The following WNT7B variants were observed in gnomAD, a reference collection of about 807,000 sequenced individuals.
The protein encoded by WNT7B is Wnt family member 7B, also known as protein Wnt-7b.
WNT7B carries 19 observed loss-of-function variants against 38.2 expected under a neutral mutation model. The observed-to-expected ratio is 0.50, with a 90% CI of 0.35 to 0.73. WNT7B has a LOEUF of 0.73. WNT7B is among the 30% of genes least tolerant of loss of function. The pLI is 0.01. For synonymous variants in WNT7B, 243 were observed against 209.3 expected (o/e 1.16, Z -1.39); for missense variants, 423 against 507.9 (o/e 0.83, Z 1.61).
rs114898588 is a variant in WNT7B at position 45,965,961 on chromosome 22, A to G, written c.71+10723T>C. Among the ~76,000 whole-genome samples, 1,556 of 152,302 alleles carry G rather than the reference A, an allele frequency of 0.01. 27 individuals carry two copies. The highest frequency in any genetic ancestry group is 0.036 in the African/African-American group (1,482 of 41,576). ...GACAAGTGGCATGGACCCGACAGCC[A>G]GGAGTCCCTGGGCTCAAATCTGGGC... On this transcript the variant is annotated intron_variant, in intron 1 of 3. Transcript: ENST00000339464. The surrounding 1 kb of genome is among the most constrained non-coding windows in gnomAD (Gnocchi z 6.5).
chr22:45,923,805 G>A (rs1162021802), intron 3 of WNT7B, among the ~76,000 whole-genome samples: 1 of 152,168 alleles, frequency 6.6e-6, no homozygotes, highest in African/African-American at 2.4e-5. Flanking sequence ...GCTTAGCGTA[G>A]GGTCTGGCAT....
At chr22:45,926,740 A>G (rs145312615) in intron 3 of WNT7B, 13 of 985,382 alleles carry the variant, frequency 1.3e-5, no homozygotes, top group Middle Eastern at 5.2e-4. Context: ...TCAGGGACAC[A>G]GCACACGTCT....
chr22:45,971,224 G>A (rs1032735264), intron 1 of WNT7B, among the ~76,000 whole-genome samples: 1 of 150,288 alleles, frequency 6.7e-6, no homozygotes, highest in African/African-American at 2.4e-5. Context: ...CCCCGGACGT[G>A]GCCCGCGTGT....
At chr22:45,954,506 G>A (rs768642301) in intron 1 of WNT7B, among the ~76,000 whole-genome samples, 9 of 152,186 alleles carry the variant, frequency 5.9e-5, no homozygotes, top group Non-Finnish European at 8.8e-5. Context: ...AAGGGGATGC[G>A]AGAGGCCCAC....
At position 45,975,860 on chromosome 22, in the gene WNT7B, C is replaced by G. The variant is rs191557482; in HGVS notation, c.71+824G>C. ...CCTCTCCGTCACGCCGTTTCTCCAC[C>G]CCCACTTCGAGCGAAGCCGAGACAG... On this transcript the variant is annotated intron_variant, in intron 1 of 3. Transcript: ENST00000339464. This position sits in a 1 kb window ranked among gnomAD's most constrained non-coding sequence, Gnocchi z 6.6. 2.4e-3 allele frequency: 621 copies of G among 262,694 alleles called. 6 individuals carry two copies. The highest frequency in any genetic ancestry group is 0.013 in the African/African-American group (582 of 44,538). 16.3% of individuals were successfully genotyped at this position (262,694 alleles called of 1,614,324 possible). A position where few individuals can be genotyped will look rare whatever the true frequency, so the allele number is the denominator to read the frequency against.
chr22:45,974,400 G>A (rs1383402416), intron 1 of WNT7B, among the ~76,000 whole-genome samples: 1 of 152,180 alleles, frequency 6.6e-6, no homozygotes, highest in Non-Finnish European at 1.5e-5. Flanking sequence ...TTCTACCGCT[G>A]CGCGTAGCCA....
chr22:45,946,956 C>A lies in WNT7B; in HGVS notation c.298+2964G>T, dbSNP rs532567041. 5.3e-5 allele frequency among the ~76,000 whole-genome samples: 8 copies of A among 152,362 alleles called. No homozygotes were observed. The South Asian group carries it at 1.7e-3, about 32-fold the overall frequency. On this transcript the variant is annotated intron_variant, in intron 2 of 3. Coordinates refer to ENST00000339464, the MANE Select transcript of WNT7B (RefSeq NM_058238.3). ...GGCCAAGCCCCTTCTCAGGGCCAAT[C>A]ATTAATTGGCACTGCTTGAGTGGCT...
intron 2 of WNT7B, among the ~76,000 whole-genome samples, chr22:45,932,652 G>C (rs1005055829): frequency 7.2e-5 from 11 of 152,150 alleles, no homozygotes; most frequent in African/African-American, 2.7e-4. Context: ...ACCTGCCCCT[G>C]GCTGAGTCCA....
chr22:45,929,327 G>T (rs1424105167), intron 3 of WNT7B, among the ~76,000 whole-genome samples: 2 of 152,034 alleles, frequency 1.3e-5, no homozygotes, highest in Admixed American at 6.5e-5. Context: ...GTTCCTTGGA[G>T]GCAAAGCCTG....
At position 45,927,300 on chromosome 22, in the gene WNT7B, C is replaced by T. The variant is rs184666163; in HGVS notation, c.570+3798G>A. The stretch of plus-strand genomic sequence containing the variant: ...GCGGCAGCCCATTAAAGGTCACCCC[C>T]GCCCCCCAGGGAGCTTGGGGAAGGG... On this transcript the variant is annotated intron_variant, in intron 3 of 3. Transcript: ENST00000339464. The T allele has an allele frequency of 1.1e-3, 1,085 of 985,402 alleles. 4 individuals are homozygous for T. The African/African-American group carries it at 0.015, about 13-fold the overall frequency. 61.0% of individuals were successfully genotyped at this position (985,402 alleles called of 1,614,324 possible).
At chr22:45,930,981 TG>T in intron 3 of WNT7B, 116 bp downstream of exon 3, 2 of 1,391,604 alleles carry the variant, frequency 1.4e-6, no homozygotes, top group Non-Finnish European at 1.9e-6. Context: ...CCCCACCCCC[TG>T]CACACCTACG....
At chr22:45,929,625 C>CCATT (rs1931236107) in intron 3 of WNT7B, among the ~76,000 whole-genome samples, 1 of 119,908 alleles carries the variant, frequency 8.3e-6, no homozygotes, top group African/African-American at 3.3e-5. Context: ...TACACCCATC[C>CCATT]TTCCATCCAT....
chr22:45,952,536 G>A (rs965414853), intron 1 of WNT7B, among the ~76,000 whole-genome samples: 1 of 152,232 alleles, frequency 6.6e-6, no homozygotes, highest in South Asian at 2.1e-4. Flanking sequence ...CCGAGCTGGG[G>A]AAATGAGATG....
chr22:45,958,222 C>T (rs1214273079), intron 1 of WNT7B, among the ~76,000 whole-genome samples: 2 of 152,094 alleles, frequency 1.3e-5, no homozygotes, highest in Non-Finnish European at 2.9e-5. Context: ...CTAAGACCCT[C>T]ACCTGGGCGA....
chr22:45,972,116 G>GGGGGGGGGGCCCCCCCCCCC, intron 1 of WNT7B: 5 of 530,740 alleles, frequency 9.4e-6, no homozygotes, highest in East Asian at 3.7e-5. Context: ...CCCGGGGGGA[G>GGGGGGGGGGCCCCCCCCCCC]CCCACCCGCC....
At chr22:45,938,253 G>T (rs10453447) in intron 2 of WNT7B, among the ~76,000 whole-genome samples, 44,592 of 151,984 alleles carry the variant, frequency 0.29, 7,747 homozygotes, top group African/African-American at 0.49. Flanking sequence ...ATGGAGGAGC[G>T]AAAAAAGTTG....
intron 3 of WNT7B, among the ~76,000 whole-genome samples, chr22:45,924,657 G>C (rs1459597829): frequency 6.6e-6 from 1 of 152,172 alleles, no homozygotes; most frequent in East Asian, 1.9e-4. Flanking sequence ...TGGGTGCCAG[G>C]TGGGCCCTAG....
In WNT7B at chr22:45,957,104, C is replaced by CAAAAAAAAAAAAA. The variant is rs34329899; in HGVS notation, c.72-6971_72-6959dup. ...CTGGTGACAGAGCGAGACTCTGTCT[C>CAAAAAAAAAAAAA]AAAAAAAAAAAAAAAAAAAAATCCC... On this transcript the variant is annotated intron_variant, in intron 1 of 3. Coordinates refer to ENST00000339464, the MANE Select transcript of WNT7B (RefSeq NM_058238.3). Among the ~76,000 whole-genome samples, 4 of 80,706 alleles carry CAAAAAAAAAAAAA rather than the reference C, an allele frequency of 5.0e-5. No individual in the cohort carries two copies. The South Asian group carries it at 1.8e-3, about 36-fold the overall frequency. The allele number at this position is 80,706 out of a possible 152,430, so 52.9% of individuals were successfully genotyped here.
Position 45,920,891 on chromosome 22 carries a change from A to G in WNT7B, c.*1965T>C, listed in dbSNP as rs1424774333. 1 of 152,168 alleles carries G rather than the reference A, an allele frequency of 6.6e-6. No homozygotes were observed. The highest frequency in any genetic ancestry group is 2.4e-5 in the African/African-American group (1 of 41,376). The allele number at this position is 152,168 out of a possible 1,614,324, so 9.4% of individuals were successfully genotyped here. Reference sequence around the variant, plus strand: ...GTTCCTTGCAGAGGCTGCCGGGCCTATGGACTCAGGTGTGTTCTGGGACTT... The same window carrying G: ...GTTCCTTGCAGAGGCTGCCGGGCCTGTGGACTCAGGTGTGTTCTGGGACTT... On this transcript the variant is annotated 3_prime_UTR_variant, in exon 4 of 4. Transcript: ENST00000339464.
Sources: allele counts gnomAD v4.1 joint callset (sites outside exome capture counted in the v4.1 genomes callset), GRCh38; gene constraint gnomAD v4.1.1; non-coding constraint Gnocchi (gnomAD v3.1); transcripts MANE v1.5; gene names NCBI Gene and HGNC (gene_info 2026-07-23, HGNC 2026-07-21).